Variants in GABRB3 observed in about 807,000 individuals in gnomAD.
GABRB3 encodes the protein gamma-aminobutyric acid receptor subunit beta-3.
Under a neutral mutation model 52.1 loss-of-function variants are expected in GABRB3, and 14 were observed. The observed-to-expected ratio is 0.27, with a 90% CI of 0.18 to 0.42. The LOEUF (loss-of-function observed/expected upper bound fraction) is 0.42. GABRB3 is among the 10% of genes least tolerant of loss of function. The pLI, the probability that GABRB3 is intolerant of heterozygous loss-of-function variation, is 1.00. For missense variants in GABRB3, 307 were observed against 609.1 expected (o/e 0.50, Z 5.22); for synonymous variants, 260 against 232.3 (o/e 1.12, Z -1.08).
chr15:26,735,370 T>C (rs1354221706), intron 3 of GABRB3, among the ~76,000 whole-genome samples: 1 of 152,174 alleles, frequency 6.6e-6, no homozygotes, highest in African/African-American at 2.4e-5. Context: ...CCATATGAGG[T>C]AGCAGTTCCA....
intron 3 of GABRB3, among the ~76,000 whole-genome samples, chr15:26,695,775 G>A (rs1184270285): frequency 6.6e-6 from 1 of 152,160 alleles, no homozygotes; most frequent in Non-Finnish European, 1.5e-5. Context: ...GGTGACTACA[G>A]CTTCTGGATA....
chr15:26,554,043 A>ATATATATATATATATT (rs1487375439), intron 8 of GABRB3, among the ~76,000 whole-genome samples: 4 of 108,134 alleles, frequency 3.7e-5, no homozygotes, highest in African/African-American at 1.5e-4. Context: ...ATATTTATTT[A>ATATATATATATATATT]TTTATATTTA....
intron 3 of GABRB3, among the ~76,000 whole-genome samples, chr15:26,699,087 A>C (rs1888841620): frequency 6.6e-6 from 1 of 152,076 alleles, no homozygotes; most frequent in Non-Finnish European, 1.5e-5. Context: ...AAACGGACAC[A>C]AAGTGCATTG....
intron 7 of GABRB3, 125 bp downstream of exon 7, chr15:26,567,456 C>T (rs1890220968): frequency 2.4e-6 from 2 of 844,368 alleles, no homozygotes; most frequent in South Asian, 2.9e-5. Context: ...TAAAAAGTGA[C>T]TATACAGGCA....
chr15:26,737,632 T>A (rs1312147673), intron 3 of GABRB3, among the ~76,000 whole-genome samples: 3 of 152,234 alleles, frequency 2.0e-5, no homozygotes, highest in Non-Finnish European at 1.5e-5. Flanking sequence ...TGTGTGTGTG[T>A]GTGTGCGTGT....
chr15:26,570,914 T>A (rs937404042), intron 6 of GABRB3, among the ~76,000 whole-genome samples: 4 of 152,176 alleles, frequency 2.6e-5, no homozygotes, highest in African/African-American at 4.8e-5. Context: ...ATTTTTTTTA[T>A]ATACTACAAT....
At chr15:26,574,855 G>A (rs1051611428) in intron 6 of GABRB3, among the ~76,000 whole-genome samples, 7 of 152,146 alleles carry the variant, frequency 4.6e-5, no homozygotes, top group Admixed American at 2.0e-4. Flanking sequence ...ACCACTGAAT[G>A]TGCCCTTTAA....
At chr15:26,642,427 AC>A (rs1213934102) in intron 3 of GABRB3, 9 of 1,256,612 alleles carry the variant, frequency 7.2e-6, no homozygotes, top group Non-Finnish European at 8.3e-6. Context: ...ATATATGTAT[AC>A]ATACATTTTC....
rs114676515 is a variant in GABRB3 at position 26,656,288 on chromosome 15, C to A, written c.241-34754G>T. 1.7e-3 allele frequency among the ~76,000 whole-genome samples: 259 copies of A among 152,294 alleles called. 3 individuals carry two copies. Among genetic ancestry groups the A allele is most frequent in the African/African-American group, 6.0e-3 (248 of 41,570 alleles). ...TCCGGAAAGATAAACTGTCTAGTGA[C>A]TCAGTGCAAGGCAAACTCAGTTCAT... On this transcript the variant is annotated intron_variant, in intron 3 of 8. Transcript: ENST00000311550.
At chr15:26,720,701 C>T (rs1323843001) in intron 3 of GABRB3, among the ~76,000 whole-genome samples, 3 of 152,134 alleles carry the variant, frequency 2.0e-5, no homozygotes, top group Non-Finnish European at 4.4e-5. Flanking sequence ...ATGTATAGGG[C>T]CTTCACACAT....
intron 3 of GABRB3, among the ~76,000 whole-genome samples, chr15:26,755,630 C>T (rs1890639819): frequency 6.6e-6 from 1 of 152,100 alleles, no homozygotes; most frequent in South Asian, 2.1e-4. Flanking sequence ...GTTGTCTTCC[C>T]ATTTACTAAT....
chr15:26,670,314 C>A (rs79208037), intron 3 of GABRB3, among the ~76,000 whole-genome samples: 35,691 of 152,100 alleles, frequency 0.23, 4,743 homozygotes, highest in Non-Finnish European at 0.31. Flanking sequence ...ACACAGTCTG[C>A]AGCAGCAGGG....
intron 3 of GABRB3, among the ~76,000 whole-genome samples, chr15:26,682,662 T>G (rs1021178156): frequency 1.3e-5 from 2 of 152,202 alleles, no homozygotes; most frequent in African/African-American, 4.8e-5. Context: ...CCTTGCACCT[T>G]AATGTCCTTT....
At chr15:26,642,973 A>G (rs1280808731) in intron 3 of GABRB3, among the ~76,000 whole-genome samples, 1 of 151,802 alleles carries the variant, frequency 6.6e-6, no homozygotes, top group East Asian at 1.9e-4. Context: ...TACTCTCCTC[A>G]CACGGCCCTC....
intron 3 of GABRB3, among the ~76,000 whole-genome samples, chr15:26,713,009 G>A (rs1337982102): frequency 2.0e-5 from 3 of 152,248 alleles, no homozygotes; most frequent in African/African-American, 4.8e-5. Flanking sequence ...GCCAGAAGCA[G>A]CATGCCACCA....
At chr15:26,578,243 C>T (rs1273267649) in intron 6 of GABRB3, among the ~76,000 whole-genome samples, 1 of 152,126 alleles carries the variant, frequency 6.6e-6, no homozygotes, top group Non-Finnish European at 1.5e-5. Context: ...CAACTTATGC[C>T]ATTTCTTCAT....
At chr15:26,617,667 C>A (rs897471998) in intron 4 of GABRB3, among the ~76,000 whole-genome samples, 2 of 151,472 alleles carry the variant, frequency 1.3e-5, no homozygotes, top group African/African-American at 2.4e-5. Context: ...CTGGCCAGGG[C>A]AATTAGGCAG....
At chr15:26,738,831 C>T (rs959613135) in intron 3 of GABRB3, among the ~76,000 whole-genome samples, 2 of 152,078 alleles carry the variant, frequency 1.3e-5, no homozygotes, top group African/African-American at 4.8e-5. Flanking sequence ...GGGTTAGATG[C>T]ATTTATCCAT....
chr15:26,557,406 C>A (rs1267549496), intron 8 of GABRB3, among the ~76,000 whole-genome samples: 1 of 152,140 alleles, frequency 6.6e-6, no homozygotes, highest in Non-Finnish European at 1.5e-5. Context: ...CAAACCTGCA[C>A]ATGTACCCTT....
Sources: gnomAD v4.1 joint callset for allele counts (sites outside exome capture counted in the v4.1 genomes callset) on GRCh38, gnomAD v4.1.1 for gene constraint, MANE v1.5 for transcripts, NCBI Gene and HGNC (gene_info 2026-07-23, HGNC 2026-07-21) for gene names.